PCDH9: variants seen among roughly 807,000 people sequenced by gnomAD.
PCDH9 encodes protocadherin-9.
Under a neutral mutation model 70.6 loss-of-function variants are expected in PCDH9, and 24 were observed. That is an observed-to-expected ratio of 0.34 (90% CI 0.25 to 0.48). The LOEUF (loss-of-function observed/expected upper bound fraction) is 0.48, where lower values mean the gene tolerates loss of function less well. PCDH9 is among the 20% of genes least tolerant of loss of function. The pLI, the probability that PCDH9 is intolerant of heterozygous loss-of-function variation, is 0.99. For missense variants in PCDH9, 1,281 were observed against 1,503.6 expected (o/e 0.85, Z 2.45); for synonymous variants, 562 against 558.5 (o/e 1.01, Z -0.09).
At position 67,080,423 on chromosome 13, in the gene PCDH9, T is replaced by A. The variant is rs550043423; in HGVS notation, c.3036+144982A>T. On this transcript the variant is annotated intron_variant, in intron 2 of 4. Coordinates refer to ENST00000377865, the MANE Select transcript of PCDH9 (RefSeq NM_203487.3). ...CCAACTTTGGAGATTCAATGAGAAA[T>A]GTGTAAAATGGTTAGTTGGATCAAA... 2.6e-5 allele frequency among the ~76,000 whole-genome samples: 4 copies of A among 152,292 alleles called. No homozygotes were observed. In the East Asian group the frequency reaches 7.7e-4, roughly 29 times the overall value.
At chr13:66,609,563 CT>C in intron 4 of PCDH9, among the ~76,000 whole-genome samples, 1 of 152,116 alleles carries the variant, frequency 6.6e-6, no homozygotes, top group Non-Finnish European at 1.5e-5. Context: ...AAAATTTATA[CT>C]TTATATATGC....
chr13:66,682,471 T>C (rs2078341542), intron 3 of PCDH9, among the ~76,000 whole-genome samples: 2 of 152,092 alleles, frequency 1.3e-5, no homozygotes, highest in South Asian at 4.1e-4. Flanking sequence ...CTCTTTTATG[T>C]ATTGTTTCTG....
rs574494217 is a variant in PCDH9 at position 66,575,043 on chromosome 13, C to T, written c.3340+56167G>A. On this transcript the variant is annotated intron_variant, in intron 4 of 4. Transcript: ENST00000377865. Reference sequence around the variant, plus strand: ...CAAAAATTACCTGGGCATGGTGGCACATGCCTCTAATCCCAGCTACTCGGG... The same window carrying T: ...CAAAAATTACCTGGGCATGGTGGCATATGCCTCTAATCCCAGCTACTCGGG... Among the ~76,000 whole-genome samples, 2 of 152,050 alleles carry T rather than the reference C, an allele frequency of 1.3e-5. 1 individual carries two copies. The highest frequency in any genetic ancestry group is 4.2e-4 in the South Asian group (2 of 4,788).
intron 3 of PCDH9, among the ~76,000 whole-genome samples, chr13:66,658,194 T>A (rs2077958821): frequency 6.6e-6 from 1 of 152,168 alleles, no homozygotes; most frequent in Admixed American, 6.5e-5. Flanking sequence ...TAGATTTTGG[T>A]TGTTTGAATT....
intron 2 of PCDH9, among the ~76,000 whole-genome samples, chr13:67,087,897 T>C (rs1408447047): frequency 6.6e-6 from 1 of 151,994 alleles, no homozygotes; most frequent in Non-Finnish European, 1.5e-5. Context: ...TAAAACAAGA[T>C]AGATGTTTAG....
At chr13:66,780,816 A>G (rs2079987191) in intron 3 of PCDH9, among the ~76,000 whole-genome samples, 1 of 152,226 alleles carries the variant, frequency 6.6e-6, no homozygotes, top group South Asian at 2.1e-4. Flanking sequence ...TCCAGTGCCT[A>G]GAACAGTATC....
intron 3 of PCDH9, among the ~76,000 whole-genome samples, chr13:66,707,920 C>A (rs972689894): frequency 2.0e-5 from 3 of 152,172 alleles, no homozygotes; most frequent in Admixed American, 2.0e-4. Flanking sequence ...ATCTTCACAC[C>A]AATTTCTTAA....
At position 66,850,442 on chromosome 13, in the gene PCDH9, C is replaced by T. The variant is rs528076073; in HGVS notation, c.3138+53062G>A. On this transcript the variant is annotated intron_variant, in intron 3 of 4. Transcript: ENST00000377865. ...GCTGAGGCAGGAGGAACCTAGGAGG[C>T]GGAGTTTGCAGTGACCTAAGATTGT... Among the ~76,000 whole-genome samples, 7 of 151,262 alleles carry T rather than the reference C, an allele frequency of 4.6e-5. No individual in the cohort carries two copies. In the East Asian group the frequency reaches 1.2e-3, roughly 25 times the overall value.
rs544269285 is a variant in PCDH9, at chr13:66,369,762, G to C, written c.3341-64734C>G. 2.0e-5 allele frequency among the ~76,000 whole-genome samples: 3 copies of C among 152,174 alleles called. No individual in the cohort carries two copies. In the South Asian group the frequency reaches 6.2e-4, roughly 32 times the overall value. On this transcript the variant is annotated intron_variant, in intron 4 of 4. Coordinates refer to ENST00000377865, the MANE Select transcript of PCDH9 (RefSeq NM_203487.3). ...CAAGTGAATATGGTATATGGTGAAG[G>C]CTGGTTGGGAATGAGCCAGCAAAAA...
chr13:66,513,626 G>A (rs1566382335), intron 4 of PCDH9, among the ~76,000 whole-genome samples: 1 of 151,664 alleles, frequency 6.6e-6, no homozygotes, highest in Non-Finnish European at 1.5e-5. Flanking sequence ...ATCTTATCAG[G>A]TGCAGCTGAA....
At chr13:66,351,955 C>A (rs986898355) in intron 4 of PCDH9, among the ~76,000 whole-genome samples, 32 of 151,868 alleles carry the variant, frequency 2.1e-4, no homozygotes, top group Admixed American at 1.7e-3. Flanking sequence ...TTCTCCTCAA[C>A]CTTCAAAGTA....
chr13:67,154,662 T>G (rs2087763192), intron 2 of PCDH9, among the ~76,000 whole-genome samples: 1 of 148,730 alleles, frequency 6.7e-6, no homozygotes, highest in African/African-American at 2.5e-5. Flanking sequence ...GATACTCTCT[T>G]TTTTGATAAC....
At chr13:67,125,547 A>C (rs2086960635) in intron 2 of PCDH9, among the ~76,000 whole-genome samples, 1 of 152,182 alleles carries the variant, frequency 6.6e-6, no homozygotes, top group African/African-American at 2.4e-5. Context: ...TACATGCAAA[A>C]GGAGAGGTGC....
intron 4 of PCDH9, among the ~76,000 whole-genome samples, chr13:66,425,961 C>T (rs1326001132): frequency 6.6e-6 from 1 of 151,582 alleles, no homozygotes; most frequent in East Asian, 1.9e-4. Context: ...TGGAGACATC[C>T]ATCTAAAATA....
intron 4 of PCDH9, among the ~76,000 whole-genome samples, chr13:66,514,101 AT>A (rs993330452): frequency 6.6e-6 from 1 of 152,062 alleles, no homozygotes; most frequent in Non-Finnish European, 1.5e-5. Context: ...CTGAATGGAG[AT>A]TTATCTCTTT....
intron 4 of PCDH9, among the ~76,000 whole-genome samples, chr13:66,378,180 G>A (rs1956783391): frequency 6.6e-6 from 1 of 152,154 alleles, no homozygotes; most frequent in African/African-American, 2.4e-5. Flanking sequence ...TGCAATCTGT[G>A]TGTTCAAATG....
At chr13:66,760,028 G>A (rs911929466) in intron 3 of PCDH9, among the ~76,000 whole-genome samples, 6 of 152,130 alleles carry the variant, frequency 3.9e-5, no homozygotes, top group South Asian at 2.1e-4. Flanking sequence ...TCTTACAGAT[G>A]TGGTGGTGAT....
intron 2 of PCDH9, among the ~76,000 whole-genome samples, chr13:67,182,172 A>G (rs1220497373): frequency 6.6e-6 from 1 of 152,160 alleles, no homozygotes; most frequent in Non-Finnish European, 1.5e-5. Flanking sequence ...CATAAGTTAA[A>G]CTACCTCCAT....
chr13:66,663,707 G>A (rs1301912115), intron 3 of PCDH9, among the ~76,000 whole-genome samples: 6 of 152,066 alleles, frequency 3.9e-5, no homozygotes, highest in African/African-American at 1.2e-4. Context: ...TATAAAAATC[G>A]AAATATCCTA....
Sources: gnomAD v4.1 joint callset for allele counts (sites outside exome capture counted in the v4.1 genomes callset) on GRCh38, gnomAD v4.1.1 for gene constraint, MANE v1.5 for transcripts, NCBI Gene and HGNC (gene_info 2026-07-23, HGNC 2026-07-21) for gene names.